The following GPC6 variants were observed in gnomAD, a reference collection of about 807,000 sequenced individuals.
GPC6 encodes glypican-6.
Under a neutral mutation model 55.2 loss-of-function variants are expected in GPC6, and 14 were observed. The ratio of observed to expected loss-of-function variants is 0.25; its 90% CI spans 0.17 to 0.40. The LOEUF is 0.40. Among genes scored for constraint, GPC6 ranks in the 10% least tolerant of loss-of-function variants. The pLI is 1.00. For missense variants in GPC6, 641 were observed against 708.5 expected (o/e 0.90, Z 1.08); for synonymous variants, 278 against 259.6 (o/e 1.07, Z -0.68).
intron 1 of GPC6, among the ~76,000 whole-genome samples, chr13:93,534,092 T>C (rs529016854): frequency 6.6e-6 from 1 of 152,182 alleles, no homozygotes; most frequent in Admixed American, 6.5e-5. Flanking sequence ...TGAAGGAGTA[T>C]GAGGAGATGG....
At chr13:94,136,439 G>A (rs979602740) in intron 4 of GPC6, among the ~76,000 whole-genome samples, 14 of 152,288 alleles carry the variant, frequency 9.2e-5, no homozygotes, top group South Asian at 8.3e-4. Context: ...TGCTGGGCGC[G>A]GTGGCTCACG....
At chr13:94,132,086 G>C (rs527389779) in intron 4 of GPC6, among the ~76,000 whole-genome samples, 2 of 152,188 alleles carry the variant, frequency 1.3e-5, no homozygotes, top group African/African-American at 4.8e-5. Flanking sequence ...GAGAACACTG[G>C]TGGAGAAAGG....
intron 3 of GPC6, among the ~76,000 whole-genome samples, chr13:93,930,167 T>C (rs1448189841): frequency 6.6e-6 from 1 of 152,108 alleles, no homozygotes; most frequent in Non-Finnish European, 1.5e-5. Context: ...TAAAAGCTGC[T>C]GGGATCATTC....
intron 2 of GPC6, among the ~76,000 whole-genome samples, chr13:93,610,594 A>T (rs1878420973): frequency 6.6e-6 from 1 of 152,138 alleles, no homozygotes; most frequent in Admixed American, 6.5e-5. Context: ...ATATACATAT[A>T]TACACATGCA....
chr13:93,478,420 T>C (rs577265600), intron 1 of GPC6, among the ~76,000 whole-genome samples: 1 of 152,326 alleles, frequency 6.6e-6, no homozygotes, highest in Non-Finnish European at 1.5e-5. Context: ...AGTATAGTTT[T>C]TGGTAAACTG....
At chr13:94,162,314 C>G (rs1031977610) in intron 4 of GPC6, among the ~76,000 whole-genome samples, 6 of 152,186 alleles carry the variant, frequency 3.9e-5, no homozygotes, top group Admixed American at 3.9e-4. Context: ...TGCAAGCTGG[C>G]TGCCAGCAGT....
chr13:93,919,572 C>G (rs1192888431), intron 3 of GPC6, among the ~76,000 whole-genome samples: 1 of 152,130 alleles, frequency 6.6e-6, no homozygotes. Context: ...TAAAGAGCAT[C>G]AGAATCTTAG....
At chr13:93,854,334 T>C (rs140041545) in intron 3 of GPC6, among the ~76,000 whole-genome samples, 1 of 151,662 alleles carries the variant, frequency 6.6e-6, no homozygotes, top group Admixed American at 6.6e-5. Flanking sequence ...TGAAAAACTA[T>C]TTTTTTCACG....
chr13:94,115,362 G>A (rs1051435432), intron 4 of GPC6, among the ~76,000 whole-genome samples: 1 of 152,068 alleles, frequency 6.6e-6, no homozygotes, highest in Non-Finnish European at 1.5e-5. Context: ...GGGTGTCAAA[G>A]CTTTAGTATT....
intron 4 of GPC6, among the ~76,000 whole-genome samples, chr13:94,274,236 A>G (rs557329104): frequency 6.6e-6 from 1 of 152,338 alleles, no homozygotes; most frequent in South Asian, 2.1e-4. Context: ...GCAGTGTTAT[A>G]GCAAAATAAG....
chr13:94,076,142 T>A (rs1884906859), intron 4 of GPC6, among the ~76,000 whole-genome samples: 1 of 151,914 alleles, frequency 6.6e-6, no homozygotes, highest in South Asian at 2.1e-4. Flanking sequence ...GTTTTTTTTT[T>A]TTAAATAATG....
intron 1 of GPC6, among the ~76,000 whole-genome samples, chr13:93,482,268 TAAC>T (rs1234407793): frequency 1.3e-5 from 2 of 152,226 alleles, no homozygotes; most frequent in East Asian, 3.9e-4. Flanking sequence ...ATTATATAAT[TAAC>T]AAATTTTAAG....
intron 1 of GPC6, among the ~76,000 whole-genome samples, chr13:93,363,146 T>C (rs1329949997): frequency 4.0e-5 from 6 of 150,026 alleles, no homozygotes; most frequent in Non-Finnish European, 5.9e-5. Context: ...TTAAAATTAT[T>C]ATTATACTTT....
Position 94,406,398 on chromosome 13 carries a change from G to A in GPC6, c.*3181G>A, listed in dbSNP as rs572294019. 5 of 152,156 alleles carry A rather than the reference G, an allele frequency of 3.3e-5. No individual in the cohort carries two copies. The highest frequency in any genetic ancestry group is 6.5e-5 in the Admixed American group (1 of 15,280). The allele number at this position is 152,156 out of a possible 1,614,324, so 9.4% of individuals were successfully genotyped here. A position where few individuals can be genotyped will look rare whatever the true frequency, so the allele number is the denominator to read the frequency against. On this transcript the variant is annotated 3_prime_UTR_variant, in exon 9 of 9. Coordinates refer to ENST00000377047, the MANE Select transcript of GPC6 (RefSeq NM_005708.5). The stretch of plus-strand genomic sequence containing the variant: ...CATGACAACCTTCTGTCATTTTCAC[G>A]AAGGCCAAGTTGGTACTTTGATTAT...
intron 3 of GPC6, among the ~76,000 whole-genome samples, chr13:93,859,250 T>C (rs942733412): frequency 3.3e-5 from 5 of 151,672 alleles, no homozygotes; most frequent in African/African-American, 1.2e-4. Context: ...TAAATTATAA[T>C]GTATCCACGT....
chr13:93,595,392 G>C (rs546409893), intron 2 of GPC6, among the ~76,000 whole-genome samples: 4 of 152,052 alleles, frequency 2.6e-5, no homozygotes, highest in Admixed American at 6.6e-5. Flanking sequence ...GCCATTTGAC[G>C]TTAATCACTT....
chr13:93,721,876 A>C (rs1175443668), intron 2 of GPC6, among the ~76,000 whole-genome samples: 1 of 151,784 alleles, frequency 6.6e-6, no homozygotes, highest in Non-Finnish European at 1.5e-5. Context: ...TTTTGTGGCC[A>C]CATAGTCAAA....
intron 1 of GPC6, among the ~76,000 whole-genome samples, chr13:93,254,090 A>G (rs975907542): frequency 5.3e-5 from 8 of 152,154 alleles, no homozygotes; most frequent in African/African-American, 1.7e-4. Context: ...TGGGAGGCCA[A>G]GGTTGAAGGA....
At chr13:93,603,368 A>G (rs981035598) in intron 2 of GPC6, among the ~76,000 whole-genome samples, 1 of 152,210 alleles carries the variant, frequency 6.6e-6, no homozygotes, top group Non-Finnish European at 1.5e-5. Context: ...ACTTTCAGAC[A>G]TGCATGTATA....
Sources: gnomAD v4.1 joint callset for allele counts (sites outside exome capture counted in the v4.1 genomes callset) on GRCh38, gnomAD v4.1.1 for gene constraint, MANE v1.5 for transcripts, NCBI Gene and HGNC (gene_info 2026-07-23, HGNC 2026-07-21) for gene names.